Variants in BCL2L14 observed in about 807,000 individuals in gnomAD.
The protein encoded by BCL2L14 is apoptosis facilitator Bcl-2-like protein 14.
A neutral mutation model predicts 35.3 loss-of-function variants in BCL2L14; 27 were observed. The ratio of observed to expected loss-of-function variants is 0.76; its 90% CI spans 0.56 to 1.05. BCL2L14 has a LOEUF of 1.05. BCL2L14 is among the 50% of genes least tolerant of loss of function. The pLI is 0.00. For missense variants in BCL2L14, 377 were observed against 382.6 expected (o/e 0.99, Z 0.12); for synonymous variants, 139 against 145.9 (o/e 0.95, Z 0.34).
intron 1 of BCL2L14, among the ~76,000 whole-genome samples, chr12:12,078,698 A>G: frequency 6.6e-6 from 1 of 152,062 alleles, no homozygotes; most frequent in East Asian, 1.9e-4. Context: ...AAAAGCTTTC[A>G]CTTGCCTCTT....
chr12:12,079,138 T>A (rs1286463389), intron 1 of BCL2L14, 161 bp from the exon 2 acceptor site: 2 of 639,240 alleles, frequency 3.1e-6, no homozygotes, highest in African/African-American at 3.7e-5. Flanking sequence ...ATGTCTCTCT[T>A]CCCACCCTAG....
intron 2 of BCL2L14, 22 bp downstream of exon 2, chr12:12,079,760 C>G (rs200195778): frequency 1.9e-6 from 3 of 1,601,268 alleles, no homozygotes; most frequent in Non-Finnish European, 2.6e-6. Flanking sequence ...GGATTTCTTT[C>G]TCTCCCGCTT....
At chr12:12,076,914 A>T (rs1388252789) in intron 1 of BCL2L14, among the ~76,000 whole-genome samples, 1 of 152,182 alleles carries the variant, frequency 6.6e-6, no homozygotes, top group Non-Finnish European at 1.5e-5. Context: ...CTATCTAACA[A>T]CTTGGACACC....
intron 5 of BCL2L14, 37 bp downstream of exon 5, chr12:12,094,967 A>G: frequency 6.3e-7 from 1 of 1,588,256 alleles, no homozygotes; most frequent in African/African-American, 1.4e-5. Flanking sequence ...TTTTCTCAGA[A>G]CTCAGAAGAG....
upstream of BCL2L14, among the ~76,000 whole-genome samples, chr12:12,066,028 T>A (rs1591809825): frequency 6.6e-6 from 1 of 152,288 alleles, no homozygotes; most frequent in East Asian, 1.9e-4. Flanking sequence ...TGACCTCAGA[T>A]GATCCACCCA....
At chr12:12,069,318 C>A, upstream of BCL2L14, among the ~76,000 whole-genome samples, 1 of 152,136 alleles carries the variant, frequency 6.6e-6, no homozygotes, top group East Asian at 1.9e-4. Context: ...AAATGCTGGG[C>A]TTGCAGGCTT....
chr12:12,090,210 A>C (rs1445788310), intron 3 of BCL2L14, among the ~76,000 whole-genome samples: 1 of 152,220 alleles, frequency 6.6e-6, no homozygotes, highest in East Asian at 1.9e-4. Context: ...TGAATTTCAC[A>C]GTGAGAGCTG....
At position 12,090,771 on chromosome 12, in the gene BCL2L14, C is replaced by T. The variant is rs931416892; in HGVS notation, c.608-8C>T. 1 of 1,607,042 alleles carries T rather than the reference C, an allele frequency of 6.2e-7. No homozygotes were observed. The highest frequency in any genetic ancestry group is 8.5e-7 in the Non-Finnish European group (1 of 1,176,884). On this transcript the variant is annotated splice_polypyrimidine_tract_variant and splice_region_variant and intron_variant, in intron 3 of 5. Transcript: ENST00000308721. ...CTTAAAAGAAATAACTGGAATTTTC[C>T]CCGACAGATGAAGAAGAACAAATAC...
At chr12:12,062,244 C>G (rs1333921009) in intron 2 of BCL2L14, among the ~76,000 whole-genome samples, 1 of 149,780 alleles carries the variant, frequency 6.7e-6, no homozygotes, top group Non-Finnish European at 1.5e-5. Context: ...ATCTGGCCTC[C>G]CACATTATTC....
intron 1 of BCL2L14, among the ~76,000 whole-genome samples, chr12:12,074,742 A>G (rs1948743041): frequency 6.6e-6 from 1 of 152,100 alleles, no homozygotes; most frequent in South Asian, 2.1e-4. Flanking sequence ...CCCAGCCCAG[A>G]TATGTACTTT....
chr12:12,065,070 GC>G (rs1334242529), intron 2 of BCL2L14, among the ~76,000 whole-genome samples: 1 of 152,044 alleles, frequency 6.6e-6, no homozygotes, highest in Non-Finnish European at 1.5e-5. Flanking sequence ...TTTGGCTGGG[GC>G]CCTGCAAATT....
chr12:12,086,049 C>T (rs1337702949), intron 2 of BCL2L14, among the ~76,000 whole-genome samples: 4 of 152,176 alleles, frequency 2.6e-5, no homozygotes, highest in Non-Finnish European at 5.9e-5. Flanking sequence ...GGTGGTGGCT[C>T]ATCCTTGTAA....
intron 4 of BCL2L14, among the ~76,000 whole-genome samples, chr12:12,093,651 G>C (rs1431686383): frequency 3.3e-5 from 5 of 151,880 alleles, no homozygotes; most frequent in Non-Finnish European, 1.5e-5. Flanking sequence ...AAATTAGCCG[G>C]GTGTGGTGGT....
At chr12:12,075,325 G>A (rs946674396) in intron 1 of BCL2L14, among the ~76,000 whole-genome samples, 17 of 152,050 alleles carry the variant, frequency 1.1e-4, no homozygotes, top group Non-Finnish European at 2.4e-4. Flanking sequence ...GTTTCACCAC[G>A]TTGGCCAGGC....
At chr12:12,053,201 T>A (rs1224808579) in intron 2 of BCL2L14, among the ~76,000 whole-genome samples, 2 of 152,220 alleles carry the variant, frequency 1.3e-5, no homozygotes, top group African/African-American at 2.4e-5. Flanking sequence ...ATAGAATTTT[T>A]ATTATTCTCA....
At chr12:12,094,025 T>C (rs1229860589) in intron 4 of BCL2L14, among the ~76,000 whole-genome samples, 3 of 151,464 alleles carry the variant, frequency 2.0e-5, no homozygotes, top group African/African-American at 7.3e-5. Context: ...GAGAATCACT[T>C]GAGCCCAGGA....
chr12:12,097,064 A>G (rs1011705875), intron 5 of BCL2L14, among the ~76,000 whole-genome samples: 6 of 152,108 alleles, frequency 3.9e-5, no homozygotes, highest in Admixed American at 1.3e-4. Context: ...AGAATGGTGT[A>G]AACCTGGGAG....
chr12:12,080,635 A>G (rs997230639), intron 2 of BCL2L14, among the ~76,000 whole-genome samples: 2 of 151,508 alleles, frequency 1.3e-5, no homozygotes, highest in African/African-American at 4.9e-5. Context: ...AAAAAAAAAA[A>G]AAGAACGAGC....
At chr12:12,058,777 G>A (rs915144455) in intron 2 of BCL2L14, among the ~76,000 whole-genome samples, 16 of 152,148 alleles carry the variant, frequency 1.1e-4, no homozygotes, top group African/African-American at 2.9e-4. Context: ...ACACCGACGC[G>A]CATGAAATTT....
Sources: allele counts gnomAD v4.1 joint callset (sites outside exome capture counted in the v4.1 genomes callset), GRCh38; gene constraint gnomAD v4.1.1; transcripts MANE v1.5; gene names NCBI Gene and HGNC (gene_info 2026-07-23, HGNC 2026-07-21).